Variants in ACOX3 observed in about 807,000 individuals in gnomAD.
The protein encoded by ACOX3 is acyl-CoA oxidase 3, pristanoyl, also known as peroxisomal acyl-coenzyme A oxidase 3.
ACOX3 carries 73 observed loss-of-function variants against 81.5 expected under a neutral mutation model. The ratio of observed to expected loss-of-function variants is 0.90; its 90% confidence interval spans 0.74 to 1.09. ACOX3 has a LOEUF of 1.09. Ranked by LOEUF, ACOX3 falls within the 50% of genes least tolerant of loss-of-function variation. ACOX3 has a pLI of 0.00. For missense variants in ACOX3, 947 were observed against 928.0 expected, an observed-to-expected ratio of 1.02 and a Z score of -0.27; for synonymous variants, 387 against 375.1, an observed-to-expected ratio of 1.03 and a Z score of -0.37.
chr4:8,417,469 CTGTGAG>C, intron 1 of ACOX3, among the ~76,000 whole-genome samples: 6 of 152,022 alleles, frequency 3.9e-5, no homozygotes, highest in African/African-American at 1.5e-4. Flanking sequence ...CCTCCAACAG[CTGTGAG>C]CCAAGTACTA....
At chr4:8,393,604 GACACACACACGCACACACACAC>G (rs1243878462) in intron 10 of ACOX3, among the ~76,000 whole-genome samples, 39 of 142,928 alleles carry the variant, frequency 2.7e-4, no homozygotes, top group Admixed American at 2.3e-3. Context: ...TTAAGAGGAA[GACACACACACGCACACACACAC>G]ACACACACAC....
chr4:8,372,409 C>T (rs1389675734), intron 16 of ACOX3, among the ~76,000 whole-genome samples: 2 of 152,120 alleles, frequency 1.3e-5, no homozygotes, highest in African/African-American at 4.8e-5. Context: ...CACTTTTTAT[C>T]AACAACACCT....
In ACOX3 at chr4:8,368,139, G is replaced by A. The variant is rs915884904; in HGVS notation, c.1984-1059C>T. Among the ~76,000 whole-genome samples the A allele has an allele frequency of 6.6e-6, 1 of 152,232 alleles. No homozygotes were observed. The highest frequency in any genetic ancestry group is 6.5e-5 in the Admixed American group (1 of 15,292). On this transcript the variant is annotated intron_variant, in intron 17 of 17. Coordinates refer to ENST00000356406, the MANE Select transcript of ACOX3 (RefSeq NM_003501.3). The surrounding 1 kb of genome is among the most constrained non-coding windows in gnomAD (Gnocchi z 5.9). ...CCGCTACAGGCCGCACAGGTGGCAC[G>A]TGGCCACCAGCAGCAGGATGCCCTC...
downstream of ACOX3, among the ~76,000 whole-genome samples, chr4:8,365,919 G>A (rs533557689): frequency 3.7e-4 from 56 of 152,324 alleles, 1 homozygote; most frequent in African/African-American, 1.2e-3. Flanking sequence ...GTTCGGCACC[G>A]TCCTGAGACA....
rs753936385 is a variant in ACOX3, at chr4:8,399,166, G to A, written c.873+390C>T. Among the ~76,000 whole-genome samples the A allele has an allele frequency of 4.6e-5, 7 of 152,154 alleles. No individual in the cohort carries two copies. The South Asian group carries it at 6.2e-4, about 14-fold the overall frequency. ...GACCACGGTCTCTCTTCTGCTCTCC[G>A]TGAACTTAAGCCAGGCGTGAGTTCT... On this transcript the variant is annotated intron_variant, in intron 8 of 17. Coordinates refer to ENST00000356406, the MANE Select transcript of ACOX3 (RefSeq NM_003501.3). This position sits in a 1 kb window ranked among gnomAD's most constrained non-coding sequence, Gnocchi z 4.9.
chr4:8,412,679 C>T (rs774283724), intron 5 of ACOX3, among the ~76,000 whole-genome samples: 1 of 152,132 alleles, frequency 6.6e-6, no homozygotes, highest in South Asian at 2.1e-4. Context: ...GGGTGGAAGG[C>T]GGGTGAGGAA....
the ACOX3 span, among the ~76,000 whole-genome samples, chr4:8,360,475 T>A: frequency 6.8e-6 from 1 of 147,464 alleles, no homozygotes; most frequent in African/African-American, 2.5e-5. Context: ...TCTTTGACTT[T>A]TTTTTTTTTT....
intron 1 of ACOX3, among the ~76,000 whole-genome samples, chr4:8,435,260 G>A (rs915978752): frequency 6.6e-6 from 1 of 152,230 alleles, no homozygotes; most frequent in Non-Finnish European, 1.5e-5. Flanking sequence ...GGAGGCCGAG[G>A]CGGGCAGATC....
At chr4:8,362,227 T>A (rs1290046485), downstream of ACOX3, among the ~76,000 whole-genome samples, 1 of 152,202 alleles carries the variant, frequency 6.6e-6, no homozygotes, top group Non-Finnish European at 1.5e-5. Flanking sequence ...GAAATGTTCA[T>A]GAATATCAAG....
chr4:8,429,692 G>A (rs554247462), intron 1 of ACOX3, among the ~76,000 whole-genome samples: 7 of 152,306 alleles, frequency 4.6e-5, no homozygotes, highest in African/African-American at 1.4e-4. Flanking sequence ...TAAAGGAAAA[G>A]GGAGAGTCTA....
At chr4:8,377,273 G>A (rs529073942) in intron 14 of ACOX3, among the ~76,000 whole-genome samples, 173 of 152,288 alleles carry the variant, frequency 1.1e-3, no homozygotes, top group Middle Eastern at 0.01. Flanking sequence ...TCTCCCCGTC[G>A]CCTGCACAGT....
At chr4:8,357,019 A>G in the ACOX3 span, 3 of 456,628 alleles carry the variant, frequency 6.6e-6, no homozygotes, top group South Asian at 4.6e-5. Context: ...AGAATGGTGC[A>G]TGCTAACGTG....
chr4:8,365,972 T>C (rs2108771806), downstream of ACOX3, among the ~76,000 whole-genome samples: 1 of 152,318 alleles, frequency 6.6e-6, no homozygotes, highest in Admixed American at 6.5e-5. Context: ...GATACGAGTG[T>C]GGCCACGGGG....
chr4:8,383,916 C>G (rs1356144361), intron 13 of ACOX3, among the ~76,000 whole-genome samples: 1 of 152,198 alleles, frequency 6.6e-6, no homozygotes, highest in Non-Finnish European at 1.5e-5. Context: ...TACACAGCAA[C>G]AAAACCAAGG....
intron 1 of ACOX3, among the ~76,000 whole-genome samples, chr4:8,425,667 G>C (rs1002600457): frequency 3.3e-5 from 5 of 150,060 alleles, no homozygotes; most frequent in African/African-American, 7.4e-5. Flanking sequence ...TTACCCACAT[G>C]CCCAAATCTC....
At chr4:8,379,750 C>T (rs1164029797) in intron 14 of ACOX3, among the ~76,000 whole-genome samples, 1 of 152,176 alleles carries the variant, frequency 6.6e-6, no homozygotes, top group Non-Finnish European at 1.5e-5. Flanking sequence ...GTTCTTGTTT[C>T]ATAACTCTTT....
intron 1 of ACOX3, among the ~76,000 whole-genome samples, chr4:8,429,570 G>T (rs1723823613): frequency 6.6e-6 from 1 of 152,178 alleles, no homozygotes; most frequent in African/African-American, 2.4e-5. Context: ...GAGTCAGCTT[G>T]CACAAGTTAA....
At position 8,416,254 on chromosome 4, in the gene ACOX3, C is replaced by T. The variant is rs182351210; in HGVS notation, c.144+124G>A. 28 of 1,517,320 alleles carry T rather than the reference C, an allele frequency of 1.8e-5. No individual in the cohort carries two copies. The highest frequency in any genetic ancestry group is 1.1e-4 in the African/African-American group (8 of 73,138). The allele number at this position is 1,517,320 out of a possible 1,614,324, so 94.0% of individuals were successfully genotyped here. ...CCTGGGGTGCAGAGAGGAGAGAGGC[C>T]GCGCTGCCTGGGATGAGCCTCGCCC... On this transcript the variant is annotated intron_variant, in intron 2 of 17. Transcript: ENST00000356406. This position sits in a 1 kb window ranked among gnomAD's most constrained non-coding sequence, Gnocchi z 4.2.
At chr4:8,420,676 T>C (rs574429842) in intron 1 of ACOX3, among the ~76,000 whole-genome samples, 3 of 152,296 alleles carry the variant, frequency 2.0e-5, no homozygotes, top group African/African-American at 7.2e-5. Context: ...TTTCACTCTA[T>C]TAAATCTTGC....
Sources: gnomAD v4.1 joint callset for allele counts (sites outside exome capture counted in the v4.1 genomes callset) on GRCh38, gnomAD v4.1.1 for gene constraint, Gnocchi (gnomAD v3.1) non-coding constraint, MANE v1.5 for transcripts, NCBI Gene and HGNC (gene_info 2026-07-23, HGNC 2026-07-21) for gene names.